Variants in KRT34 observed in about 807,000 individuals in gnomAD.
KRT34 encodes keratin, type I cuticular Ha4.
A neutral mutation model predicts 41.7 loss-of-function variants in KRT34; 31 were observed. That is an observed-to-expected ratio of 0.74 (90% CI 0.56 to 1.00). The LOEUF (loss-of-function observed/expected upper bound fraction) is 1.00. KRT34 is among the 50% of genes least tolerant of loss of function. KRT34 has a pLI of 0.00. For missense variants in KRT34, 523 were observed against 500.3 expected (o/e 1.05, Z -0.43); for synonymous variants, 224 against 212.9 (o/e 1.05, Z -0.45).
chr17:41,382,609 A>T (rs1253575262), upstream of KRT34, among the ~76,000 whole-genome samples: 1 of 150,962 alleles, frequency 6.6e-6, no homozygotes, highest in Non-Finnish European at 1.5e-5. Flanking sequence ...AGCCAGGGAC[A>T]TGGGGTGGAG....
chr17:41,378,831 T>C, intron 6 of KRT34, 125 bp downstream of exon 6: 1 of 1,352,746 alleles, frequency 7.4e-7, no homozygotes, highest in Non-Finnish European at 1.0e-6. Flanking sequence ...CTATCACAGA[T>C]CACTGGACAC....
chr17:41,377,969 G>A lies in KRT34; in HGVS notation c.*90C>T. 1 of 916,986 alleles carries A rather than the reference G, an allele frequency of 1.1e-6. No homozygotes were observed. The highest frequency in any genetic ancestry group is 1.8e-6 in the Non-Finnish European group (1 of 563,396). The allele number at this position is 916,986 out of a possible 1,614,324, so 56.8% of individuals were successfully genotyped here. ...GGCAAGATGAGGTTTCTTGATGTCA[G>A]CTGAGCTCCAGAAAAGTCAGGACTT... On this transcript the variant is annotated 3_prime_UTR_variant, in exon 7 of 7. Transcript: ENST00000394001.
intron 3 of KRT34, among the ~76,000 whole-genome samples, chr17:41,380,361 T>C (rs1178171559): frequency 1.3e-5 from 2 of 152,218 alleles, no homozygotes; most frequent in Admixed American, 6.5e-5. Context: ...TGTTGTCCCA[T>C]AGAAACGGAA....
Position 41,381,569 on chromosome 17 carries a change from G to A in KRT34, c.431+144C>T. ...ATAGACCAAAGAGCAGGCAGCACAT[G>A]AGTCTAGTTCCCTATTTGAAACTAA... On this transcript the variant is annotated intron_variant, in intron 2 of 6. Coordinates refer to ENST00000394001, the MANE Select transcript of KRT34 (RefSeq NM_001386014.1). 3.8e-5 allele frequency: 27 copies of A among 718,026 alleles called. No individual in the cohort carries two copies. In the South Asian group the frequency reaches 4.9e-4, roughly 13 times the overall value. The allele number at this position is 718,026 out of a possible 1,614,324, so 44.5% of individuals were successfully genotyped here.
upstream of KRT34, chr17:41,382,384 C>T: frequency 1.3e-6 from 2 of 1,595,064 alleles, no homozygotes; most frequent in Non-Finnish European, 1.7e-6. Flanking sequence ...GTTTCCTTTC[C>T]TAATGCTTCA....
Position 41,379,714 on chromosome 17 carries a change from G to A in KRT34, c.606C>T (p.Arg202=). ...KNHEEEVNTL[R]SQLGDRLNVE... ...CGTTGAGGCGGTCTCCAAGCTGGGAGCGCAGGGTGTTAACCTCCTGTTGGA... is the reference window on the plus strand; with the variant it reads ...CGTTGAGGCGGTCTCCAAGCTGGGAACGCAGGGTGTTAACCTCCTGTTGGA... Residue 202 remains arginine (R), a synonymous_variant, in exon 4 of 7, where the codon CGC becomes CGT. Transcript: ENST00000394001. 6.2e-7 allele frequency: 1 copy of A among 1,609,934 alleles called. No individual in the cohort carries two copies. Among genetic ancestry groups the A allele is most frequent in the Non-Finnish European group, 8.5e-7 (1 of 1,178,218 alleles).
rs2017873671 is a variant in KRT34 at position 41,377,893 on chromosome 17, T to C, written c.*166A>G. 1.7e-6 allele frequency: 1 copy of C among 584,886 alleles called. No individual in the cohort carries two copies. Among genetic ancestry groups the C allele is most frequent in the Admixed American group, 2.8e-5 (1 of 35,314 alleles). 36.2% of individuals were successfully genotyped at this position (584,886 alleles called of 1,614,324 possible). A position where few individuals can be genotyped will look rare whatever the true frequency, so the allele number is the denominator to read the frequency against. Reference sequence around the variant, plus strand: ...CCAGACATTGGAAGTTGATGATGTGTGTCTTTGCTTGGGTCAGGAAAGCTT... The same window carrying C: ...CCAGACATTGGAAGTTGATGATGTGCGTCTTTGCTTGGGTCAGGAAAGCTT... On this transcript the variant is annotated 3_prime_UTR_variant, in exon 7 of 7. Coordinates refer to ENST00000394001, the MANE Select transcript of KRT34 (RefSeq NM_001386014.1).
At chr17:41,378,737 C>T (rs1221907257) in intron 6 of KRT34, among the ~76,000 whole-genome samples, 1 of 152,222 alleles carries the variant, frequency 6.6e-6, no homozygotes, top group African/African-American at 2.4e-5. Context: ...ATTCCTACAA[C>T]TGGCCAGCTC....
Position 41,379,660 on chromosome 17 carries a change from G to T in KRT34, c.660C>A (p.Asp220Glu). The change falls in exon 4 of 7, where the codon GAC becomes GAA. Residue 220 changes from aspartate (D) to glutamate (E), a missense_variant. Coordinates refer to ENST00000394001, the MANE Select transcript of KRT34 (RefSeq NM_001386014.1). ...TGGTCTCGTTCAGGACCTGGTTCAG[G>T]TCCACAGTGGGGGCAGTGTCCACCT... ...NVEVDTAPTV[D>E]LNQVLNETRS... 1.2e-6 allele frequency: 2 copies of T among 1,614,192 alleles called. No homozygotes were observed. Among genetic ancestry groups the T allele is most frequent in the South Asian group, 2.2e-5 (2 of 91,078 alleles).
At chr17:41,378,601 A>G (rs1369602070) in intron 6 of KRT34, among the ~76,000 whole-genome samples, 3 of 152,164 alleles carry the variant, frequency 2.0e-5, no homozygotes, top group Non-Finnish European at 4.4e-5. Context: ...TCAAGTTCTG[A>G]TTACTACCAA....
chr17:41,382,279 G>C lies in KRT34; in HGVS notation c.-33C>G. Reference sequence around the variant, plus strand: ...GAACAGGTAATGGAAAAGCAGGTAAGCTGCTGGAGGTGGATGTGGGCAGGT... The same window carrying C: ...GAACAGGTAATGGAAAAGCAGGTAACCTGCTGGAGGTGGATGTGGGCAGGT... On this transcript the variant is annotated 5_prime_UTR_variant, in exon 1 of 7. Transcript: ENST00000394001. 6.2e-7 allele frequency: 1 copy of C among 1,613,180 alleles called. No homozygotes were observed. The highest frequency in any genetic ancestry group is 8.5e-7 in the Non-Finnish European group (1 of 1,180,034).
intron 3 of KRT34, 61 bp from the exon 4 acceptor site, chr17:41,379,792 G>A (rs909913394): frequency 3.7e-5 from 56 of 1,515,750 alleles, no homozygotes; most frequent in Non-Finnish European, 4.9e-5. Context: ...TCCTGCTCCA[G>A]GGAAATGAGC....
chr17:41,381,289 G>T, intron 2 of KRT34, 77 bp from the exon 3 acceptor site: 2 of 1,462,312 alleles, frequency 1.4e-6, no homozygotes, highest in Admixed American at 2.0e-5. Flanking sequence ...GGGTAGAATT[G>T]GCCTGAATCT....
chr17:41,381,563 G>A (rs943668517), intron 2 of KRT34, 150 bp downstream of exon 2: 6 of 696,982 alleles, frequency 8.6e-6, no homozygotes, highest in Admixed American at 5.9e-5. Context: ...AGAGCAGGCA[G>A]CACATGAGTC....
intron 5 of KRT34, 41 bp downstream of exon 5, chr17:41,379,312 C>T (rs2017921069): frequency 1.9e-6 from 3 of 1,612,878 alleles, no homozygotes; most frequent in Non-Finnish European, 2.5e-6. Flanking sequence ...CTCTGCCTCC[C>T]AAGTTCCCAT....
upstream of KRT34, among the ~76,000 whole-genome samples, chr17:41,383,638 G>A (rs1338954077): frequency 6.6e-6 from 1 of 152,138 alleles, no homozygotes; most frequent in African/African-American, 2.4e-5. Context: ...GTGCTCAGAG[G>A]TATCTTTGTA....
chr17:41,379,552 A>G lies in KRT34; in HGVS notation c.750+18T>C. 6.2e-7 allele frequency: 1 copy of G among 1,613,926 alleles called. No individual in the cohort carries two copies. Among genetic ancestry groups the G allele is most frequent in the Admixed American group, 1.7e-5 (1 of 60,012 alleles). ...GGGGCACCTCGGGTCCTGAGTGGCC[A>G]TGTGCTTAGATGCCCACCTGCGTGG... On this transcript the variant is annotated intron_variant, in intron 4 of 6. Transcript: ENST00000394001.
chr17:41,381,071 C>A lies in KRT34; in HGVS notation c.573G>T (p.Lys191Asn). 4 of 1,614,178 alleles carry A rather than the reference C, an allele frequency of 2.5e-6. No individual in the cohort carries two copies. The highest frequency in any genetic ancestry group is 3.4e-6 in the Non-Finnish European group (4 of 1,180,032). Residue 191 changes from lysine to asparagine, a missense_variant, in exon 3 of 7, where the codon AAG (lysine) becomes AAT (asparagine). Coordinates refer to ENST00000394001, the MANE Select transcript of KRT34 (RefSeq NM_001386014.1). ...TGTTTCATACCTCCTCATGGTTCTTCTTCAAGCAGATCAGCTCCTCCCTCA... is the reference window on the plus strand; with the variant it reads ...TGTTTCATACCTCCTCATGGTTCTTATTCAAGCAGATCAGCTCCTCCCTCA... ...ESLREELICL[K>N]KNHEEEVNTL...
Position 41,382,097 on chromosome 17 carries a change from G to T in KRT34, c.150C>A (p.Gly50=), listed in dbSNP as rs190446535. 12 of 1,612,698 alleles carry T rather than the reference G, an allele frequency of 7.4e-6. No individual in the cohort carries two copies. The highest frequency in any genetic ancestry group is 1.0e-5 in the Non-Finnish European group (12 of 1,180,046). The change falls in exon 1 of 7, where the codon GGC becomes GGA. Residue 50 remains glycine, a synonymous_variant. Coordinates refer to ENST00000394001, the MANE Select transcript of KRT34 (RefSeq NM_001386014.1). ...NVSNCNWFCE[G]SFNGSEKETM... is the part of the protein sequence containing the mutation. ...TCTCCTTCTCGCTGCCATTGAAGGAGCCCTCACAGAACCAGTTGCAGTTGC... is the reference window on the plus strand; with the variant it reads ...TCTCCTTCTCGCTGCCATTGAAGGATCCCTCACAGAACCAGTTGCAGTTGC...
Sources: allele counts gnomAD v4.1 joint callset (sites outside exome capture counted in the v4.1 genomes callset), GRCh38; gene constraint gnomAD v4.1.1; transcripts MANE v1.5; gene names NCBI Gene and HGNC (gene_info 2026-07-23, HGNC 2026-07-21).